The following ROBO2 variants were observed in gnomAD, a reference collection of about 807,000 sequenced individuals.
The protein encoded by ROBO2 is roundabout homolog 2.
ROBO2 carries 53 observed loss-of-function variants against 160.8 expected under a neutral mutation model. That is an observed-to-expected ratio of 0.33 (90% confidence interval 0.26 to 0.41). The LOEUF (loss-of-function observed/expected upper bound fraction) is 0.41. ROBO2 is among the 10% of genes least tolerant of loss of function. The pLI, the probability that ROBO2 is intolerant of heterozygous loss-of-function variation, is 1.00. For synonymous variants in ROBO2, 664 were observed against 611.7 expected (o/e 1.09, Z -1.26); for missense variants, 1,577 against 1,722.4 (o/e 0.92, Z 1.49).
intron 2 of ROBO2, among the ~76,000 whole-genome samples, chr3:76,353,389 A>G (rs2074988860): frequency 6.6e-6 from 1 of 151,988 alleles, no homozygotes; most frequent in Non-Finnish European, 1.5e-5. Context: ...AAGAAATAAT[A>G]CTTAAAAATT....
At chr3:76,387,557 A>G (rs1221878152) in intron 2 of ROBO2, among the ~76,000 whole-genome samples, 1 of 152,224 alleles carries the variant, frequency 6.6e-6, no homozygotes, top group East Asian at 1.9e-4. Context: ...TATTTGCTGA[A>G]TGAATGTGCC....
chr3:77,317,137 A>C, intron 2 of ROBO2: 1 of 1,124,182 alleles, frequency 8.9e-7, no homozygotes, highest in Non-Finnish European at 1.4e-6. Flanking sequence ...TTGCAGTCTC[A>C]AAACGCATCT....
At chr3:76,030,161 C>T (rs577068246) in intron 2 of ROBO2, among the ~76,000 whole-genome samples, 68 of 152,268 alleles carry the variant, frequency 4.5e-4, no homozygotes, top group Admixed American at 1.1e-3. Context: ...GAATAAATGT[C>T]TTCTTTTGAA....
At chr3:77,585,780 T>C (rs1386540795) in intron 16 of ROBO2, among the ~76,000 whole-genome samples, 1 of 152,082 alleles carries the variant, frequency 6.6e-6, no homozygotes, top group East Asian at 1.9e-4. Context: ...GATGCCCTTA[T>C]CTACACAACT....
chr3:76,958,489 T>C (rs140380437), intron 2 of ROBO2, among the ~76,000 whole-genome samples: 2 of 152,364 alleles, frequency 1.3e-5, no homozygotes, highest in East Asian at 1.9e-4. Flanking sequence ...AGTAATTCAC[T>C]CTGTAGTGAT....
At chr3:76,349,857 C>T (rs536928291) in intron 2 of ROBO2, among the ~76,000 whole-genome samples, 11 of 152,074 alleles carry the variant, frequency 7.2e-5, no homozygotes, top group African/African-American at 1.4e-4. Context: ...TGGTGGATTG[C>T]GCTACAGAAG....
intron 2 of ROBO2, among the ~76,000 whole-genome samples, chr3:77,341,199 T>C (rs77319180): frequency 0.01 from 1,545 of 152,172 alleles, 18 homozygotes; most frequent in Middle Eastern, 0.017. Context: ...CAGAACAAGT[T>C]TGCCGATTCC....
At chr3:77,159,708 T>G (rs1312609658) in intron 2 of ROBO2, among the ~76,000 whole-genome samples, 1 of 152,152 alleles carries the variant, frequency 6.6e-6, no homozygotes, top group East Asian at 1.9e-4. Flanking sequence ...GGTAATTTAA[T>G]AAGGATGTAA....
chr3:76,600,235 G>A (rs141739996), intron 2 of ROBO2, among the ~76,000 whole-genome samples: 328 of 152,232 alleles, frequency 2.2e-3, no homozygotes, highest in African/African-American at 7.3e-3. Flanking sequence ...GTGTAAGGAA[G>A]GGGTCCAGTT....
intron 2 of ROBO2, among the ~76,000 whole-genome samples, chr3:76,031,124 T>C (rs2066906441): frequency 6.6e-6 from 1 of 152,170 alleles, no homozygotes; most frequent in East Asian, 1.9e-4. Flanking sequence ...ATTCTCTTCA[T>C]AGCAGTTGTG....
At chr3:76,739,275 T>A (rs7650501) in intron 2 of ROBO2, among the ~76,000 whole-genome samples, 47,842 of 151,884 alleles carry the variant, frequency 0.31, 9,337 homozygotes, top group Non-Finnish European at 0.43. Context: ...TGTGGCACAT[T>A]TACAGCATGG....
chr3:77,415,320 AG>A (rs2077125066), intron 2 of ROBO2, among the ~76,000 whole-genome samples: 1 of 152,176 alleles, frequency 6.6e-6, no homozygotes, highest in South Asian at 2.1e-4. Context: ...AATTGTTCTA[AG>A]GGGTATGAAT....
chr3:77,328,934 T>C (rs1345956080), intron 2 of ROBO2, among the ~76,000 whole-genome samples: 2 of 152,218 alleles, frequency 1.3e-5, no homozygotes, highest in Non-Finnish European at 2.9e-5. Context: ...AAATCTGTGA[T>C]AGTTTGGCAG....
chr3:76,411,279 A>G (rs1321082259), intron 2 of ROBO2, among the ~76,000 whole-genome samples: 2 of 151,668 alleles, frequency 1.3e-5, no homozygotes, highest in African/African-American at 4.9e-5. Context: ...GTGTACCAAG[A>G]CGAGTAAGAC....
At chr3:76,010,381 C>T (rs1169910491) in intron 2 of ROBO2, among the ~76,000 whole-genome samples, 1 of 152,220 alleles carries the variant, frequency 6.6e-6, no homozygotes, top group African/African-American at 2.4e-5. Flanking sequence ...ATCCTCGGTC[C>T]ACTTATGAAG....
intron 2 of ROBO2, among the ~76,000 whole-genome samples, chr3:76,366,959 T>C (rs2075846570): frequency 6.6e-6 from 1 of 151,978 alleles, no homozygotes; most frequent in Non-Finnish European, 1.5e-5. Flanking sequence ...AATAAAATAA[T>C]AGCATTGCCC....
intron 2 of ROBO2, among the ~76,000 whole-genome samples, chr3:76,359,265 A>G (rs1438415008): frequency 6.6e-6 from 1 of 151,970 alleles, no homozygotes; most frequent in African/African-American, 2.4e-5. Context: ...CTGTTTAAAT[A>G]TTGAATGAGC....
intron 2 of ROBO2, among the ~76,000 whole-genome samples, chr3:76,533,869 G>C (rs1229705787): frequency 6.6e-6 from 1 of 152,114 alleles, no homozygotes; most frequent in Non-Finnish European, 1.5e-5. Flanking sequence ...GCAGGAACGA[G>C]TCATAGTGGT....
At chr3:76,606,492 G>C (rs775089393) in intron 2 of ROBO2, among the ~76,000 whole-genome samples, 1 of 152,116 alleles carries the variant, frequency 6.6e-6, no homozygotes, top group Non-Finnish European at 1.5e-5. Context: ...GATAAAAGAA[G>C]GGCAACCTAA....
Sources: allele counts gnomAD v4.1 joint callset (sites outside exome capture counted in the v4.1 genomes callset), GRCh38; gene constraint gnomAD v4.1.1; transcripts MANE v1.5; gene names NCBI Gene and HGNC (gene_info 2026-07-23, HGNC 2026-07-21).